NUMB: variants seen among roughly 807,000 people sequenced by gnomAD.
The protein encoded by NUMB is protein numb homolog.
A neutral mutation model predicts 59.7 loss-of-function variants in NUMB; 29 were observed. That is an observed-to-expected ratio of 0.49 (90% CI 0.36 to 0.66). NUMB has a LOEUF of 0.66. NUMB is among the 30% of genes least tolerant of loss of function. The pLI is 0.00. For missense variants in NUMB, 723 were observed against 822.0 expected, an observed-to-expected ratio of 0.88 and a Z score of 1.47; for synonymous variants, 288 against 288.2, an observed-to-expected ratio of 1.00 and a Z score of 0.01.
At chr14:73,407,638 G>A (rs994076769) in intron 2 of NUMB, among the ~76,000 whole-genome samples, 24 of 152,298 alleles carry the variant, frequency 1.6e-4, no homozygotes, top group African/African-American at 5.8e-4. Context: ...GGGAAATAGT[G>A]CTGAACCGAC....
chr14:73,355,814 C>T (rs1336181818), intron 3 of NUMB, 48 bp from the exon 4 acceptor site: 5 of 1,454,218 alleles, frequency 3.4e-6, no homozygotes, highest in Non-Finnish European at 3.8e-6. Flanking sequence ...TACCTTCTTA[C>T]ATATTTAAAC....
chr14:73,343,606 A>C (rs1892753260), intron 4 of NUMB, among the ~76,000 whole-genome samples: 1 of 152,190 alleles, frequency 6.6e-6, no homozygotes, highest in African/African-American at 2.4e-5. Context: ...ATTAGTGGGA[A>C]GTCTCTGTGT....
At position 73,279,377 on chromosome 14, in the gene NUMB, T is replaced by C. The variant is rs915967750; in HGVS notation, c.1144A>G (p.Thr382Ala). ...AFHVLAKPAH[T>A]ALAPVAMPVR... ...GGCATTGCTACGGGTGCTAGAGCAG[T>C]ATGGGCTGGCTTAGCAAGCACATGG... Residue 382 changes from threonine to alanine, a missense_variant, in exon 12 of 13, where the codon ACT (threonine) becomes GCT (alanine). By Grantham distance (58) the Thr-to-Ala change is moderately conservative. Transcript: ENST00000555238. The C allele has an allele frequency of 5.6e-6, 9 of 1,609,426 alleles. No homozygotes were observed. The highest frequency in any genetic ancestry group is 7.6e-6 in the Non-Finnish European group (9 of 1,177,730).
chr14:73,286,768 A>G, intron 9 of NUMB: 1 of 313,004 alleles, frequency 3.2e-6, no homozygotes, highest in Non-Finnish European at 6.1e-6. Context: ...GCTTCCTTTA[A>G]GATGCAGGTA....
rs1888236445 is a variant in NUMB, at chr14:73,277,306, AGAT to A, written c.1241-16_1241-14del. 6.3e-7 allele frequency: 1 copy of A among 1,574,984 alleles called. No homozygotes were observed. Among genetic ancestry groups the A allele is most frequent in the East Asian group, 2.3e-5 (1 of 44,120 alleles). On this transcript the variant is annotated splice_polypyrimidine_tract_variant and intron_variant, in intron 12 of 12. Transcript: ENST00000555238. The stretch of plus-strand genomic sequence containing the variant: ...CCCCACTCGGTCCCTGGAACCAACA[AGAT>A]GAGAGACAAAAGAATCAGTTAGGGG...
intron 2 of NUMB, among the ~76,000 whole-genome samples, chr14:73,392,963 T>C (rs543660646): frequency 6.6e-6 from 1 of 152,052 alleles, no homozygotes; most frequent in East Asian, 1.9e-4. Context: ...GACATGTGCG[T>C]TTTTCTGGGA....
Position 73,414,965 on chromosome 14 carries a change from C to G in NUMB, c.-232-4897G>C, listed in dbSNP as rs1411265751. ...TCGATCTGCTGACCTTGTGATCTGC[C>G]TGCCTCGGCCTCCCAAAGTGCTGGG... On this transcript the variant is annotated intron_variant, in intron 1 of 12. Transcript: ENST00000555238. 4.6e-5 allele frequency among the ~76,000 whole-genome samples: 7 copies of G among 152,302 alleles called. No individual in the cohort carries two copies. The East Asian group carries it at 1.4e-3, about 29-fold the overall frequency.
intron 5 of NUMB, 89 bp from the exon 6 acceptor site, chr14:73,316,511 G>C: frequency 7.8e-7 from 1 of 1,275,044 alleles, no homozygotes. Flanking sequence ...ACAGAAATTG[G>C]GGAAAGGAAA....
At chr14:73,452,123 G>A (rs1884027392) in intron 1 of NUMB, among the ~76,000 whole-genome samples, 1 of 152,144 alleles carries the variant, frequency 6.6e-6, no homozygotes, top group African/African-American at 2.4e-5. Flanking sequence ...ACTTTGGGAG[G>A]CCAGGGTGGA....
chr14:73,276,691 G>C lies in NUMB; in HGVS notation c.1843C>G (p.Pro615Ala). The change falls in exon 13 of 13, where the codon CCT (proline) becomes GCT (alanine). Residue 615 changes from proline (P) to alanine (A), a missense_variant. By Grantham distance (27) the Pro-to-Ala change is conservative. This residue lies in a region of NUMB where 406 missense variants were observed against 385.4 expected (regional missense o/e 1.05). Transcript: ENST00000555238. ...EVPTGTCPVD[P>A]FEAQWAALEN... is the part of the protein sequence containing the mutation. ...AATGCAGCCCACTGGGCTTCAAAAG[G>C]ATCCACTGGGCAGGTGCCTGTAGGA... is the stretch of plus-strand genomic sequence containing the variant. 1 of 1,614,170 alleles carries C rather than the reference G, an allele frequency of 6.2e-7. No individual in the cohort carries two copies. The highest frequency in any genetic ancestry group is 1.6e-4 in the Middle Eastern group (1 of 6,062).
chr14:73,297,372 G>C (rs1889851960), intron 6 of NUMB, 87 bp from the exon 7 acceptor site: 1 of 873,194 alleles, frequency 1.1e-6, no homozygotes, highest in South Asian at 1.4e-5. Context: ...CACTGACTCT[G>C]CCTTCCAAAA....
At chr14:73,394,619 T>C (rs557245466) in intron 2 of NUMB, among the ~76,000 whole-genome samples, 28 of 151,564 alleles carry the variant, frequency 1.8e-4, no homozygotes, top group African/African-American at 6.3e-4. Flanking sequence ...ACAGTCACCA[T>C]TGTTGTACAA....
At chr14:73,440,207 ATGGATAT>A (rs1324344968) in intron 1 of NUMB, among the ~76,000 whole-genome samples, 2 of 34,262 alleles carry the variant, frequency 5.8e-5, no homozygotes, top group Non-Finnish European at 1.2e-4. Flanking sequence ...ATATATATAT[ATGGATAT>A]CCATATATAT....
chr14:73,383,157 A>G (rs1479077064), intron 2 of NUMB, among the ~76,000 whole-genome samples: 3 of 152,218 alleles, frequency 2.0e-5, no homozygotes, highest in African/African-American at 7.2e-5. Flanking sequence ...AAAAAATAAA[A>G]AAAGAGAAAG....
intron 10 of NUMB, among the ~76,000 whole-genome samples, chr14:73,283,725 T>G (rs1888793866): frequency 6.6e-6 from 1 of 152,214 alleles, no homozygotes; most frequent in Admixed American, 6.5e-5. Flanking sequence ...TTTAATTAAT[T>G]CCCTGCTGGG....
intron 3 of NUMB, among the ~76,000 whole-genome samples, chr14:73,366,041 T>C (rs1406018077): frequency 2.6e-5 from 4 of 152,220 alleles, no homozygotes; most frequent in African/African-American, 4.8e-5. Flanking sequence ...TAATTTTCTG[T>C]CAAGGCTGCC....
At chr14:73,277,541 G>C (rs1218787873) in intron 12 of NUMB, among the ~76,000 whole-genome samples, 1 of 152,174 alleles carries the variant, frequency 6.6e-6, no homozygotes, top group African/African-American at 2.4e-5. Flanking sequence ...TGGCTCAAAT[G>C]CATTAAACCA....
At chr14:73,413,288 T>C (rs1452497359) in intron 1 of NUMB, among the ~76,000 whole-genome samples, 1 of 151,010 alleles carries the variant, frequency 6.6e-6, no homozygotes, top group African/African-American at 2.4e-5. Context: ...GGTTTCACCA[T>C]GTTGGCCAGG....
intron 2 of NUMB, among the ~76,000 whole-genome samples, chr14:73,405,532 GGC>G (rs1160195241): frequency 6.7e-6 from 1 of 150,246 alleles, no homozygotes; most frequent in Admixed American, 6.7e-5. Context: ...CAAACTCCTG[GGC>G]TCAAGTTATC....
Sources: allele counts gnomAD v4.1 joint callset (sites outside exome capture counted in the v4.1 genomes callset), GRCh38; gene constraint gnomAD v4.1.1; regional missense constraint gnomAD v4.1.1; transcripts MANE v1.5; gene names NCBI Gene and HGNC (gene_info 2026-07-23, HGNC 2026-07-21).